The following FBN1 variants were observed in gnomAD, a reference collection of about 807,000 sequenced individuals.
FBN1 encodes the protein fibrillin 1.
In FBN1, 29 loss-of-function variants were observed where a neutral mutation model predicts 365.1. That is an observed-to-expected ratio of 0.08 (90% confidence interval 0.06 to 0.11). The LOEUF is 0.11. Among genes scored for constraint, FBN1 ranks in the 10% least tolerant of loss-of-function variants. The probability of loss-of-function intolerance (pLI) is 1.00; values close to 1 mark genes in which losing one functional copy is unlikely to be tolerated. For synonymous variants in FBN1, 1,210 were observed against 1,270.5 expected, an observed-to-expected ratio of 0.95 and a Z score of 1.01; for missense variants, 2,476 against 3,703.2, an observed-to-expected ratio of 0.67 and a Z score of 8.60.
intron 47 of FBN1, 143 bp from the exon 48 acceptor site, chr15:48,445,647 A>G: frequency 2.4e-6 from 2 of 821,730 alleles, no homozygotes; most frequent in Non-Finnish European, 4.0e-6. Flanking sequence ...ATGCCAATGA[A>G]GATCTAGTTT....
At chr15:48,569,182 A>G (rs552083417) in intron 6 of FBN1, among the ~76,000 whole-genome samples, 1 of 152,260 alleles carries the variant, frequency 6.6e-6, no homozygotes, top group South Asian at 2.1e-4. Flanking sequence ...TAGAGTAAAC[A>G]TGTTACCAAA....
intron 10 of FBN1, among the ~76,000 whole-genome samples, chr15:48,517,506 A>C (rs953464844): frequency 2.0e-5 from 3 of 152,204 alleles, no homozygotes; most frequent in Non-Finnish European, 4.4e-5. Context: ...CTGCTTCCCT[A>C]TGATTCTACA....
chr15:48,640,331 A>T (rs115732239), intron 2 of FBN1, among the ~76,000 whole-genome samples: 1 of 152,162 alleles, frequency 6.6e-6, no homozygotes, highest in African/African-American at 2.4e-5. Flanking sequence ...TTAAAAAAAA[A>T]TTGTGTCCCA....
At chr15:48,600,595 T>G (rs899733048) in intron 4 of FBN1, among the ~76,000 whole-genome samples, 1 of 152,166 alleles carries the variant, frequency 6.6e-6, no homozygotes, top group Middle Eastern at 3.4e-3. Flanking sequence ...TCCCAGCCAC[T>G]CCGGAGGCTG....
At chr15:48,520,593 C>T in intron 10 of FBN1, 66 bp downstream of exon 10, 2 of 1,583,664 alleles carry the variant, frequency 1.3e-6, no homozygotes, top group South Asian at 1.1e-5. Context: ...CTGCATCATG[C>T]ACATTGCCAC....
intron 24 of FBN1, among the ~76,000 whole-genome samples, chr15:48,490,416 G>A (rs564749394): frequency 3.9e-5 from 6 of 152,228 alleles, no homozygotes; most frequent in East Asian, 1.9e-4. Flanking sequence ...TCACCGATGC[G>A]TGCATGCCAT....
chr15:48,526,133 T>C lies in FBN1; in HGVS notation c.985A>G (p.Ile329Val), dbSNP rs370955295. Residue 329 changes from isoleucine to valine, a missense_variant, in exon 9 of 66, where the codon ATA (isoleucine) becomes GTA (valine). Physicochemically the swap from Ile to Val is conservative, Grantham distance 29. This residue lies in a region of FBN1 where 421 missense variants were observed against 520.1 expected (regional missense o/e 0.81). Transcript: ENST00000316623. ...FYTSPDGTRC[I>V]DVRPGYCYTA... ...TGCTGTTTGTCATTAAACCTACCTA[T>C]GCATCTGGTACCATCTGGAGAGGTG... 6.8e-6 allele frequency: 11 copies of C among 1,614,164 alleles called. No individual in the cohort carries two copies. The African/African-American group carries it at 1.3e-4, about 20-fold the overall frequency.
Position 48,513,574 on chromosome 15 carries a change from G to T in FBN1, c.1563C>A (p.Ser521Arg), listed in dbSNP as rs1470275032. 1 of 1,613,980 alleles carries T rather than the reference G, an allele frequency of 6.2e-7. No homozygotes were observed. Among genetic ancestry groups the T allele is most frequent in the East Asian group, 2.2e-5 (1 of 44,876 alleles). The change falls in exon 13 of 66, where the codon AGC (serine) becomes AGA (arginine). Residue 521 changes from serine (S) to arginine (R), a missense_variant. This residue lies in a region of FBN1 where 1,780 missense variants were observed against 2,840.8 expected (regional missense o/e 0.63). Transcript: ENST00000316623. The part of the protein sequence containing the change: ...YTCQCRAGYQ[S>R]TLTRTECRDI... ...CTCGGCATTCTGTCCGCGTGAGTGTGCTCTGATATCCAGCTCGGCACTGAC... is the reference window on the plus strand; with the variant it reads ...CTCGGCATTCTGTCCGCGTGAGTGTTCTCTGATATCCAGCTCGGCACTGAC...
chr15:48,613,981 A>T (rs904853759), intron 2 of FBN1, among the ~76,000 whole-genome samples: 3 of 152,166 alleles, frequency 2.0e-5, no homozygotes, highest in Admixed American at 1.3e-4. Context: ...AAGAAAATAA[A>T]ATCAGTGTCA....
chr15:48,449,863 T>C lies in FBN1; in HGVS notation c.5546-970A>G, dbSNP rs147899301. 4.2e-3 allele frequency among the ~76,000 whole-genome samples: 642 copies of C among 152,308 alleles called. 4 individuals carry two copies. The highest frequency in any genetic ancestry group is 6.8e-3 in the Non-Finnish European group (463 of 68,006). ...ATGTCTACTCAGAACACAGTAATCA[T>C]GAATGGACACTTTTTGCTGCACACA... On this transcript the variant is annotated intron_variant, in intron 45 of 65. Coordinates refer to ENST00000316623, the MANE Select transcript of FBN1 (RefSeq NM_000138.5).
At position 48,487,184 on chromosome 15, in the gene FBN1, C is replaced by G; in HGVS notation, c.3480G>C (p.Glu1160Asp). 9 of 1,614,184 alleles carry G rather than the reference C, an allele frequency of 5.6e-6. No homozygotes were observed. Among genetic ancestry groups the G allele is most frequent in the Non-Finnish European group, 7.6e-6 (9 of 1,180,028 alleles). ...CATTGGGGCACAGGTGTGCACTCAG[C>G]TCACATTCATTGATGTCTGTCGGGA... ...ISACIDINECELSAHLCPNGR... is the reference protein window; with the variant it reads ...ISACIDINECDLSAHLCPNGR... Residue 1160 changes from glutamate (E) to aspartate (D), a missense_variant, in exon 29 of 66, where the codon GAG (glutamate) becomes GAC (aspartate). Transcript: ENST00000316623.
chr15:48,510,176 T>C lies in FBN1; in HGVS notation c.1589-7A>G, dbSNP rs1467162544. 4 of 1,612,678 alleles carry C rather than the reference T, an allele frequency of 2.5e-6. No individual in the cohort carries two copies. The highest frequency in any genetic ancestry group is 3.4e-6 in the Non-Finnish European group (4 of 1,179,078). On this transcript the variant is annotated splice_region_variant and splice_polypyrimidine_tract_variant and intron_variant, in intron 13 of 65. Transcript: ENST00000316623. The stretch of plus-strand genomic sequence containing the variant: ...TGTAAACACTCATCAATGTCTAAAA[T>C]CAAAGTTTAAAAAGAAGAAATAGCT...
chr15:48,522,833 A>T (rs1364941209), intron 9 of FBN1, among the ~76,000 whole-genome samples: 1 of 152,244 alleles, frequency 6.6e-6, no homozygotes, highest in Non-Finnish European at 1.5e-5. Flanking sequence ...ACTTAAAACC[A>T]CTAGCCAGTA....
At chr15:48,448,344 A>G (rs1358095923) in intron 46 of FBN1, among the ~76,000 whole-genome samples, 2 of 152,152 alleles carry the variant, frequency 1.3e-5, no homozygotes, top group East Asian at 3.9e-4. Context: ...CTCTAGAAAA[A>G]TGATTAACTT....
chr15:48,421,909 G>T, intron 61 of FBN1, 43 bp downstream of exon 61: 1 of 1,441,666 alleles, frequency 6.9e-7, no homozygotes, highest in Non-Finnish European at 9.8e-7. Context: ...TCCCTTAAAA[G>T]AATCGCTACA....
intron 2 of FBN1, among the ~76,000 whole-genome samples, chr15:48,626,544 C>A (rs1237067504): frequency 6.6e-6 from 1 of 152,050 alleles, no homozygotes; most frequent in Non-Finnish European, 1.5e-5. Context: ...GCCCTCCCAT[C>A]AAAACAGGGA....
chr15:48,469,889 G>T (rs1044467563), intron 36 of FBN1, among the ~76,000 whole-genome samples: 2 of 152,108 alleles, frequency 1.3e-5, no homozygotes, highest in African/African-American at 4.8e-5. Flanking sequence ...GCATTTGCAG[G>T]GTGGTGGTGG....
chr15:48,456,811 T>C (rs1237328250), intron 43 of FBN1, 49 bp from the exon 44 acceptor site: 4 of 1,587,886 alleles, frequency 2.5e-6, no homozygotes, highest in Middle Eastern at 1.7e-4. Flanking sequence ...ACATGATCCC[T>C]GTGCAGGGTA....
chr15:48,644,422 C>G (rs1187975691), intron 2 of FBN1, 184 bp downstream of exon 2: 1 of 771,814 alleles, frequency 1.3e-6, no homozygotes, highest in African/African-American at 1.7e-5. Flanking sequence ...GGGCAGAAAT[C>G]TCTGGGAGTA....
Sources: gnomAD v4.1 joint callset for allele counts (sites outside exome capture counted in the v4.1 genomes callset) on GRCh38, gnomAD v4.1.1 for gene constraint, gnomAD v4.1.1 regional missense constraint, MANE v1.5 for transcripts, NCBI Gene and HGNC (gene_info 2026-07-23, HGNC 2026-07-21) for gene names.